GSG1L: variants seen among roughly 807,000 people sequenced by gnomAD.
GSG1L encodes the protein germ cell-specific gene 1-like protein.
In GSG1L, 24 loss-of-function variants were observed where a neutral mutation model predicts 42.1. The ratio of observed to expected loss-of-function variants is 0.57; its 90% CI spans 0.41 to 0.80. The LOEUF (loss-of-function observed/expected upper bound fraction) is 0.80, where lower values mean the gene tolerates loss of function less well. Ranked by LOEUF, GSG1L falls within the 30% of genes least tolerant of loss-of-function variation. The pLI, the probability that GSG1L is intolerant of heterozygous loss-of-function variation, is 0.00. For missense variants in GSG1L, 445 were observed against 472.2 expected (o/e 0.94, Z 0.53); for synonymous variants, 215 against 203.5 (o/e 1.06, Z -0.48).
At chr16:27,822,070 G>T (rs2083156584) in intron 5 of GSG1L, among the ~76,000 whole-genome samples, 1 of 147,828 alleles carries the variant, frequency 6.8e-6, no homozygotes, top group Admixed American at 6.7e-5. Context: ...ACAGAGGGAG[G>T]TCTCTAACAG....
chr16:27,964,490 G>T (rs764297962), intron 1 of GSG1L, among the ~76,000 whole-genome samples: 3 of 152,102 alleles, frequency 2.0e-5, no homozygotes, highest in Non-Finnish European at 4.4e-5. Flanking sequence ...ATCAATTGTG[G>T]ATAGCAGCAC....
chr16:27,859,832 T>G (rs1263352130), intron 3 of GSG1L, among the ~76,000 whole-genome samples: 5 of 151,630 alleles, frequency 3.3e-5, no homozygotes, highest in Admixed American at 2.6e-4. Flanking sequence ...TGCACCACCA[T>G]GCCCAGCTAT....
chr16:27,868,489 C>T (rs1021362187), intron 3 of GSG1L, among the ~76,000 whole-genome samples: 2 of 151,988 alleles, frequency 1.3e-5, no homozygotes, highest in East Asian at 1.9e-4. Context: ...TAAACAGTGA[C>T]GTGAAATCAA....
At chr16:27,823,060 A>G (rs867458959) in intron 5 of GSG1L, among the ~76,000 whole-genome samples, 1 of 152,170 alleles carries the variant, frequency 6.6e-6, no homozygotes, top group Non-Finnish European at 1.5e-5. Flanking sequence ...TCTTCCACAC[A>G]TTGTTAAACC....
intron 1 of GSG1L, among the ~76,000 whole-genome samples, chr16:28,037,289 G>A (rs746369001): frequency 1.3e-5 from 2 of 152,256 alleles, no homozygotes; most frequent in Non-Finnish European, 2.9e-5. Context: ...GCCCCCCAAA[G>A]TGCTGGGATC....
Position 27,820,255 on chromosome 16 carries a change from C to T in GSG1L, c.830+8534G>A, listed in dbSNP as rs887803564. ...CGGGTTCTTCTAATATGGGGGCCCT[C>T]GGCCACGTGGCCATGGAGGATGAGG... On this transcript the variant is annotated intron_variant, in intron 5 of 6. Transcript: ENST00000447459. Among the ~76,000 whole-genome samples, 7 of 152,266 alleles carry T rather than the reference C, an allele frequency of 4.6e-5. No homozygotes were observed. The South Asian group carries it at 8.3e-4, about 18-fold the overall frequency.
intron 2 of GSG1L, among the ~76,000 whole-genome samples, chr16:27,946,712 T>C (rs189532303): frequency 3.3e-5 from 5 of 149,794 alleles, no homozygotes; most frequent in African/African-American, 9.8e-5. Flanking sequence ...AAGCAAGGGG[T>C]ATGAGAGTAT....
At chr16:28,050,949 G>A (rs968801627) in intron 1 of GSG1L, among the ~76,000 whole-genome samples, 2 of 152,100 alleles carry the variant, frequency 1.3e-5, no homozygotes, top group African/African-American at 4.8e-5. Context: ...GGTTACATGC[G>A]CAAATGAAGA....
At chr16:27,885,751 C>CTG (rs1476283021) in intron 2 of GSG1L, among the ~76,000 whole-genome samples, 1 of 152,234 alleles carries the variant, frequency 6.6e-6, no homozygotes, top group Non-Finnish European at 1.5e-5. Flanking sequence ...AGATGAGAGT[C>CTG]TGAGCATTCT....
At chr16:27,881,029 G>A (rs909028348) in intron 3 of GSG1L, among the ~76,000 whole-genome samples, 20 of 152,008 alleles carry the variant, frequency 1.3e-4, no homozygotes, top group African/African-American at 4.6e-4. Flanking sequence ...ATAGCCGAGG[G>A]ATCTCCCAGG....
chr16:28,026,489 C>G (rs934334939), intron 1 of GSG1L, among the ~76,000 whole-genome samples: 3 of 152,168 alleles, frequency 2.0e-5, no homozygotes, highest in Admixed American at 2.0e-4. Flanking sequence ...AGTCGGCTTT[C>G]GCTGCCAGAA....
intron 2 of GSG1L, among the ~76,000 whole-genome samples, chr16:27,935,319 T>A (rs1596625409): frequency 7.2e-6 from 1 of 139,482 alleles, no homozygotes; most frequent in South Asian, 2.5e-4. Context: ...CCCATCCTGA[T>A]GGGGGAATGG....
At chr16:27,920,917 G>A (rs910265457) in intron 2 of GSG1L, among the ~76,000 whole-genome samples, 7 of 152,196 alleles carry the variant, frequency 4.6e-5, no homozygotes, top group Admixed American at 4.6e-4. Flanking sequence ...TGGGGAATAA[G>A]GGGCCAGATG....
At chr16:27,816,749 G>A (rs555487215) in intron 5 of GSG1L, among the ~76,000 whole-genome samples, 41 of 152,286 alleles carry the variant, frequency 2.7e-4, no homozygotes, top group Non-Finnish European at 4.6e-4. Context: ...CAACCCTGCA[G>A]CTGGCTTGTG....
chr16:28,046,912 G>C (rs2086167661), intron 1 of GSG1L, among the ~76,000 whole-genome samples: 1 of 152,204 alleles, frequency 6.6e-6, no homozygotes, highest in Non-Finnish European at 1.5e-5. Flanking sequence ...AGAGGGAAAA[G>C]TTTGCTTCTT....
intron 2 of GSG1L, chr16:27,888,255 GC>G: frequency 3.6e-6 from 1 of 280,732 alleles, no homozygotes; most frequent in Non-Finnish European, 5.4e-6. Context: ...TCACAGCAGG[GC>G]CCAGCTCTGC....
chr16:27,843,291 G>A (rs183388685), intron 4 of GSG1L, among the ~76,000 whole-genome samples: 105 of 152,134 alleles, frequency 6.9e-4, no homozygotes, highest in African/African-American at 1.3e-3. Flanking sequence ...CTAATGCCAC[G>A]CTCTGGACCA....
At chr16:27,837,463 C>T (rs1326818754) in intron 4 of GSG1L, among the ~76,000 whole-genome samples, 2 of 152,202 alleles carry the variant, frequency 1.3e-5, no homozygotes, top group Non-Finnish European at 2.9e-5. Context: ...TCTGACTCCC[C>T]ATTAGGCCTC....
chr16:27,913,800 A>G (rs2084419681), intron 2 of GSG1L, among the ~76,000 whole-genome samples: 1 of 152,214 alleles, frequency 6.6e-6, no homozygotes, highest in African/African-American at 2.4e-5. Flanking sequence ...CCCCAGGGCT[A>G]CAGCAATGAC....
Sources: allele counts gnomAD v4.1 joint callset (sites outside exome capture counted in the v4.1 genomes callset), GRCh38; gene constraint gnomAD v4.1.1; transcripts MANE v1.5; gene names NCBI Gene and HGNC (gene_info 2026-07-23, HGNC 2026-07-21).